The following MACROD2 variants were observed in gnomAD, a reference collection of about 807,000 sequenced individuals.
MACROD2 encodes the protein mono-ADP ribosylhydrolase 2, also known as ADP-ribose glycohydrolase MACROD2.
In MACROD2, 36 loss-of-function variants were observed where a neutral mutation model predicts 70.4. The ratio of observed to expected loss-of-function variants is 0.51; its 90% CI spans 0.39 to 0.68. The LOEUF is 0.68. Ranked by LOEUF, MACROD2 falls within the 30% of genes least tolerant of loss-of-function variation. MACROD2 has a pLI of 0.00. For missense variants in MACROD2, 496 were observed against 538.4 expected (o/e 0.92, Z 0.78); for synonymous variants, 172 against 178.8 (o/e 0.96, Z 0.30).
chr20:15,797,510 G>T (rs1171786558), intron 8 of MACROD2, among the ~76,000 whole-genome samples: 1 of 147,260 alleles, frequency 6.8e-6, no homozygotes, highest in Non-Finnish European at 1.5e-5. Context: ...AGAGCTCAAG[G>T]CTCATCATCG....
At chr20:14,842,941 T>C (rs2073102428) in intron 5 of MACROD2, among the ~76,000 whole-genome samples, 1 of 152,018 alleles carries the variant, frequency 6.6e-6, no homozygotes, top group African/African-American at 2.4e-5. Flanking sequence ...ACTTTCATAG[T>C]TGTTTTCTAT....
intron 6 of MACROD2, among the ~76,000 whole-genome samples, chr20:15,418,147 A>G (rs1356722808): frequency 6.6e-6 from 1 of 152,222 alleles, no homozygotes; most frequent in Non-Finnish European, 1.5e-5. Context: ...TAAGAATAAT[A>G]ATAATGCTTT....
intron 5 of MACROD2, among the ~76,000 whole-genome samples, chr20:15,136,507 A>T (rs2076149248): frequency 6.6e-6 from 1 of 152,242 alleles, no homozygotes; most frequent in Admixed American, 6.5e-5. Context: ...CTGGCTAGCC[A>T]TATGTAGAAA....
At chr20:14,656,871 T>C (rs1487358869) in intron 4 of MACROD2, among the ~76,000 whole-genome samples, 1 of 152,158 alleles carries the variant, frequency 6.6e-6, no homozygotes, top group African/African-American at 2.4e-5. Context: ...GTGTGCTGTC[T>C]TGGCTTTCTT....
At chr20:15,186,433 G>A (rs957167319) in intron 5 of MACROD2, among the ~76,000 whole-genome samples, 2 of 152,100 alleles carry the variant, frequency 1.3e-5, no homozygotes, top group Admixed American at 6.6e-5. Flanking sequence ...TAAAATATCA[G>A]TGTGTGTGGG....
At chr20:15,768,386 TA>T (rs1439577083) in intron 8 of MACROD2, among the ~76,000 whole-genome samples, 2 of 152,206 alleles carry the variant, frequency 1.3e-5, no homozygotes, top group Non-Finnish European at 2.9e-5. Context: ...TTTGTGTGTC[TA>T]AACATAGCTC....
At chr20:15,726,125 T>C (rs2050859074) in intron 8 of MACROD2, among the ~76,000 whole-genome samples, 1 of 152,144 alleles carries the variant, frequency 6.6e-6, no homozygotes, top group South Asian at 2.1e-4. Context: ...TGTTTCTTTC[T>C]TTGTGACCAT....
At chr20:14,601,791 C>A (rs1982516066) in intron 4 of MACROD2, among the ~76,000 whole-genome samples, 2 of 152,050 alleles carry the variant, frequency 1.3e-5, no homozygotes. Context: ...TTTCTTCATG[C>A]ATTTTGTTGA....
At chr20:14,986,141 G>A (rs1216041625) in intron 5 of MACROD2, among the ~76,000 whole-genome samples, 1 of 152,176 alleles carries the variant, frequency 6.6e-6, no homozygotes, top group East Asian at 1.9e-4. Flanking sequence ...TGAAGACATG[G>A]CACCTGGCCC....
chr20:15,374,800 T>A (rs2045540906), intron 6 of MACROD2, among the ~76,000 whole-genome samples: 1 of 152,214 alleles, frequency 6.6e-6, no homozygotes, highest in African/African-American at 2.4e-5. Flanking sequence ...CTGGCCAGGA[T>A]GTTCATTAAT....
rs140150458 is a variant in MACROD2, at chr20:14,189,731, C to G, written c.271+104003C>G. 2.0e-5 allele frequency among the ~76,000 whole-genome samples: 3 copies of G among 152,214 alleles called. No homozygotes were observed. In the East Asian group the frequency reaches 5.8e-4, roughly 29 times the overall value. On this transcript the variant is annotated intron_variant, in intron 3 of 17. Coordinates refer to ENST00000684519, the MANE Select transcript of MACROD2 (RefSeq NM_001351661.2). The stretch of plus-strand genomic sequence containing the variant: ...TGTGAAGAGAGTGAAATATGTGAGT[C>G]CAGAATTGTACAGATGTCATCATGA...
chr20:15,587,128 C>T (rs1300496483), intron 8 of MACROD2, among the ~76,000 whole-genome samples: 1 of 152,182 alleles, frequency 6.6e-6, no homozygotes, highest in African/African-American at 2.4e-5. Flanking sequence ...TTCCACATGG[C>T]TGAGGAGGCC....
intron 3 of MACROD2, among the ~76,000 whole-genome samples, chr20:14,396,528 T>TTTTC (rs2083581073): frequency 6.6e-6 from 1 of 152,188 alleles, no homozygotes; most frequent in Non-Finnish European, 1.5e-5. Flanking sequence ...TTTTCTTGTA[T>TTTTC]TAGTGTTAGT....
intron 4 of MACROD2, among the ~76,000 whole-genome samples, chr20:14,625,163 C>A (rs1335060972): frequency 6.6e-6 from 1 of 151,798 alleles, no homozygotes; most frequent in East Asian, 1.9e-4. Context: ...CCCGTCTCTA[C>A]TAAAAAGACA....
Position 14,638,732 on chromosome 20 carries a change from C to T in MACROD2, c.302-46111C>T, listed in dbSNP as rs575614399. ...TTGTGAGGCCATGGCGGGAGGATCA[C>T]GAGATCAGGAGATCGAGACCATCCT... On this transcript the variant is annotated intron_variant, in intron 4 of 17. Coordinates refer to ENST00000684519, the MANE Select transcript of MACROD2 (RefSeq NM_001351661.2). Among the ~76,000 whole-genome samples the T allele has an allele frequency of 6.6e-5, 10 of 152,160 alleles. No individual in the cohort carries two copies. The South Asian group carries it at 1.7e-3, about 25-fold the overall frequency.
chr20:15,211,177 A>G (rs561291422), intron 5 of MACROD2, among the ~76,000 whole-genome samples: 2 of 152,348 alleles, frequency 1.3e-5, no homozygotes, highest in African/African-American at 2.4e-5. Flanking sequence ...GACATCTTAT[A>G]TAAATGGAAT....
chr20:14,352,750 C>T (rs530890449), intron 3 of MACROD2, among the ~76,000 whole-genome samples: 12 of 151,266 alleles, frequency 7.9e-5, no homozygotes, highest in Middle Eastern at 3.4e-3. Flanking sequence ...CTTAATTTCC[C>T]CTTTTTGGCT....
chr20:14,913,401 A>G (rs1235739431), intron 5 of MACROD2, among the ~76,000 whole-genome samples: 2 of 152,118 alleles, frequency 1.3e-5, no homozygotes, highest in Admixed American at 6.6e-5. Context: ...TAACCTATGA[A>G]AAAAGCTGGG....
chr20:15,794,566 A>T (rs1254574668), intron 8 of MACROD2, among the ~76,000 whole-genome samples: 3 of 152,122 alleles, frequency 2.0e-5, no homozygotes. Flanking sequence ...TCCCCTAAAG[A>T]TCAAATCTGG....
Sources: gnomAD v4.1 joint callset for allele counts (sites outside exome capture counted in the v4.1 genomes callset) on GRCh38, gnomAD v4.1.1 for gene constraint, MANE v1.5 for transcripts, NCBI Gene and HGNC (gene_info 2026-07-23, HGNC 2026-07-21) for gene names.